Variants in RNF38 observed in about 807,000 individuals in gnomAD.
RNF38 encodes the protein E3 ubiquitin-protein ligase RNF38.
A neutral mutation model predicts 67.2 loss-of-function variants in RNF38; 15 were observed. That is an observed-to-expected ratio of 0.22 (90% CI 0.15 to 0.34). RNF38 has a LOEUF of 0.34. Among genes scored for constraint, RNF38 ranks in the 10% least tolerant of loss-of-function variants. The pLI, the probability that RNF38 is intolerant of heterozygous loss-of-function variation, is 1.00. For missense variants in RNF38, 524 were observed against 639.9 expected (o/e 0.82, Z 1.95); for synonymous variants, 220 against 218.8 (o/e 1.01, Z -0.05).
chr9:36,470,657 T>C (rs1839974928), intron 1 of RNF38, among the ~76,000 whole-genome samples: 1 of 151,654 alleles, frequency 6.6e-6, no homozygotes, highest in South Asian at 2.1e-4. Flanking sequence ...GTCTAACCTT[T>C]GTTTGTATTG....
At chr9:36,476,652 T>C (rs1458446920) in intron 1 of RNF38, among the ~76,000 whole-genome samples, 1 of 151,046 alleles carries the variant, frequency 6.6e-6, no homozygotes, top group African/African-American at 2.4e-5. Flanking sequence ...GCCTCCCAAG[T>C]AGCTGGGATT....
chr9:36,353,102 TA>T, intron 7 of RNF38, 67 bp downstream of exon 7: 1 of 1,353,236 alleles, frequency 7.4e-7, no homozygotes, highest in Non-Finnish European at 1.1e-6. Context: ...TGAATTATAC[TA>T]AAACATAACT....
Position 36,435,911 on chromosome 9 carries a change from G to A in RNF38, n.242-11228C>T, listed in dbSNP as rs950300315. Among the ~76,000 whole-genome samples, 79 of 152,184 alleles carry A rather than the reference G, an allele frequency of 5.2e-4. 1 individual carries two copies. The highest frequency in any genetic ancestry group is 1.8e-3 in the African/African-American group (76 of 41,444). On this transcript the variant is annotated intron_variant and non_coding_transcript_variant, in intron 1 of 3. Transcript: ENST00000488058. Reference sequence around the variant, plus strand: ...CCCAAAGTGCTGGGATTACAGGCGTGAGCCACCGCGCCCGGACTCTGAATG... The same window carrying A: ...CCCAAAGTGCTGGGATTACAGGCGTAAGCCACCGCGCCCGGACTCTGAATG...
At chr9:36,459,513 A>G (rs1354539646) in intron 1 of RNF38, among the ~76,000 whole-genome samples, 2 of 152,190 alleles carry the variant, frequency 1.3e-5, no homozygotes, top group African/African-American at 4.8e-5. Flanking sequence ...TAAATCCATT[A>G]TCACAATTTT....
Position 36,356,389 on chromosome 9 carries a change from G to A in RNF38, c.823C>T (p.His275Tyr). The change falls in exon 6 of 12, where the codon CAT becomes TAT. Residue 275 changes from histidine (H) to tyrosine (Y), a missense_variant. This residue lies in a region of RNF38 where 461 missense variants were observed against 517.4 expected (regional missense o/e 0.89). Coordinates refer to ENST00000259605, the MANE Select transcript of RNF38 (RefSeq NM_022781.5). The part of the protein sequence containing the change: ...PLISSDPFLI[H>Y]PPHLSPHHPP... The stretch of plus-strand genomic sequence containing the variant: ...TGATGGGGAGAAAGGTGAGGAGGAT[G>A]TATAAGAAATGGATCACTAGAAATA... The A allele has an allele frequency of 1.2e-6, 2 of 1,613,944 alleles. No homozygotes were observed. The highest frequency in any genetic ancestry group is 1.7e-6 in the Non-Finnish European group (2 of 1,179,890).
intron 1 of RNF38, among the ~76,000 whole-genome samples, chr9:36,392,552 CAT>C (rs1837190186): frequency 6.6e-6 from 1 of 151,984 alleles, no homozygotes. Context: ...GCCTGGACAA[CAT>C]AGAGAAAACC....
intron 2 of RNF38, among the ~76,000 whole-genome samples, chr9:36,420,531 C>CAAAAAAAAAAAAAA (rs1447823341): frequency 3.4e-5 from 1 of 29,010 alleles, no homozygotes; most frequent in Non-Finnish European, 1.1e-4. Flanking sequence ...GACTCTGTCT[C>CAAAAAAAAAAAAAA]CAAAAAAAAA....
chr9:36,486,659 G>T (rs1030422018), intron 1 of RNF38, among the ~76,000 whole-genome samples: 12 of 152,068 alleles, frequency 7.9e-5, no homozygotes, highest in African/African-American at 2.7e-4. Flanking sequence ...CCCACGATAA[G>T]AAGTTTCCGA....
At chr9:36,442,003 T>A (rs1839202465) in intron 1 of RNF38, among the ~76,000 whole-genome samples, 1 of 152,228 alleles carries the variant, frequency 6.6e-6, no homozygotes, top group African/African-American at 2.4e-5. Context: ...TAATTCTTTC[T>A]GAATACATCA....
chr9:36,440,549 A>AG (rs1839169991), intron 1 of RNF38, among the ~76,000 whole-genome samples: 1 of 152,144 alleles, frequency 6.6e-6, no homozygotes, highest in South Asian at 2.1e-4. Context: ...AAAGAAAGAA[A>AG]AAAAAGAAAA....
chr9:36,417,880 A>T (rs1025024939), intron 2 of RNF38, among the ~76,000 whole-genome samples: 1 of 152,186 alleles, frequency 6.6e-6, no homozygotes, highest in Non-Finnish European at 1.5e-5. Context: ...AAGCTAGAGA[A>T]TCTTTCTCTA....
At chr9:36,443,068 C>T (rs555084425) in intron 1 of RNF38, among the ~76,000 whole-genome samples, 18 of 152,348 alleles carry the variant, frequency 1.2e-4, no homozygotes, top group South Asian at 6.2e-4. Flanking sequence ...CCCCCAATTA[C>T]GGCTTTGTTT....
intron 4 of RNF38, among the ~76,000 whole-genome samples, chr9:36,358,691 C>CAA (rs967054912): frequency 1.8e-4 from 28 of 152,058 alleles, no homozygotes; most frequent in African/African-American, 6.3e-4. Context: ...ACTCTTTTGC[C>CAA]AATATAAACA....
intron 1 of RNF38, among the ~76,000 whole-genome samples, chr9:36,396,772 T>C (rs2243933): frequency 0.6 from 90,241 of 151,466 alleles, 27,245 homozygotes; most frequent in Non-Finnish European, 0.65. Flanking sequence ...AAACATAACT[T>C]AATAAAGCTT....
In RNF38 at chr9:36,337,677, A is replaced by G. The variant is rs1189813874; in HGVS notation, c.*2075T>C. Reference sequence around the variant, plus strand: ...TTTTTTCATTAAAAAAGATTAAACTATATGTGATTTGTATGTAGCTGATTA... The same window carrying G: ...TTTTTTCATTAAAAAAGATTAAACTGTATGTGATTTGTATGTAGCTGATTA... On this transcript the variant is annotated 3_prime_UTR_variant, in exon 12 of 12. Coordinates refer to ENST00000259605, the MANE Select transcript of RNF38 (RefSeq NM_022781.5). 1 of 152,598 alleles carries G rather than the reference A, an allele frequency of 6.6e-6. No individual in the cohort carries two copies. Among genetic ancestry groups the G allele is most frequent in the Admixed American group, 6.5e-5 (1 of 15,276 alleles). 9.5% of individuals were successfully genotyped at this position (152,598 alleles called of 1,614,324 possible).
intron 1 of RNF38, among the ~76,000 whole-genome samples, chr9:36,398,645 A>G (rs963170138): frequency 3.3e-5 from 5 of 152,248 alleles, no homozygotes; most frequent in African/African-American, 1.2e-4. Context: ...CGCTCTTTCC[A>G]GAGAAAAGGC....
chr9:36,449,632 T>G (rs1344524432), intron 1 of RNF38, among the ~76,000 whole-genome samples: 1 of 152,170 alleles, frequency 6.6e-6, no homozygotes, highest in African/African-American at 2.4e-5. Flanking sequence ...AGACGGGGTT[T>G]CACCGTGTTA....
At chr9:36,413,976 C>T (rs1278557895) in intron 2 of RNF38, among the ~76,000 whole-genome samples, 3 of 152,186 alleles carry the variant, frequency 2.0e-5, no homozygotes, top group South Asian at 4.1e-4. Flanking sequence ...TTTATCATTA[C>T]ATAATGTCCC....
At chr9:36,447,741 C>A (rs1839342434) in intron 1 of RNF38, among the ~76,000 whole-genome samples, 1 of 152,148 alleles carries the variant, frequency 6.6e-6, no homozygotes, top group Non-Finnish European at 1.5e-5. Flanking sequence ...GGAAGAATGG[C>A]CAACTACCAT....
Sources: gnomAD v4.1 joint callset for allele counts (sites outside exome capture counted in the v4.1 genomes callset) on GRCh38, gnomAD v4.1.1 for gene constraint, gnomAD v4.1.1 regional missense constraint, MANE v1.5 for transcripts, NCBI Gene and HGNC (gene_info 2026-07-23, HGNC 2026-07-21) for gene names.